MINDY4: variants seen among roughly 807,000 people sequenced by gnomAD.
MINDY4 encodes probable ubiquitin carboxyl-terminal hydrolase MINDY-4.
MINDY4 carries 68 observed loss-of-function variants against 87.0 expected under a neutral mutation model. The observed-to-expected ratio is 0.78, with a 90% CI of 0.64 to 0.96. MINDY4 has a LOEUF of 0.96. Among genes scored for constraint, MINDY4 ranks in the 40% least tolerant of loss-of-function variants. The pLI is 0.00. For missense variants in MINDY4, 919 were observed against 928.2 expected, an observed-to-expected ratio of 0.99 and a Z score of 0.13; for synonymous variants, 379 against 363.2, an observed-to-expected ratio of 1.04 and a Z score of -0.50.
At chr7:30,777,825 G>A (rs1328921793) in intron 1 of MINDY4, among the ~76,000 whole-genome samples, 1 of 152,238 alleles carries the variant, frequency 6.6e-6, no homozygotes, top group African/African-American at 2.4e-5. Context: ...CTTGCGAACA[G>A]GACCCTCACT....
intron 5 of MINDY4, among the ~76,000 whole-genome samples, chr7:30,811,655 GA>G (rs1286569077): frequency 6.6e-6 from 1 of 152,184 alleles, no homozygotes; most frequent in Non-Finnish European, 1.5e-5. Flanking sequence ...GGTAGTTAAA[GA>G]TCGAACCCTG....
In MINDY4 at chr7:30,771,522, C is replaced by T. The variant is rs752655597; in HGVS notation, c.29C>T (p.Ala10Val). The change falls in exon 1 of 18, where the codon GCC (alanine) becomes GTC (valine). Residue 10 changes from alanine to valine, a missense_variant. Transcript: ENST00000265299. MDSLFVEEV[A>V]ASLVREFLSR... Reference sequence around the variant, plus strand: ...GACAGCCTCTTCGTGGAGGAGGTGGCCGCCTCCTTGGTCAGGGAGTTCCTC... The same window carrying T: ...GACAGCCTCTTCGTGGAGGAGGTGGTCGCCTCCTTGGTCAGGGAGTTCCTC... The T allele has an allele frequency of 5.6e-6, 9 of 1,604,796 alleles. No individual in the cohort carries two copies. The highest frequency in any genetic ancestry group is 1.3e-5 in the African/African-American group (1 of 74,894).
chr7:30,820,727 T>C (rs79815742), intron 5 of MINDY4, among the ~76,000 whole-genome samples: 91 of 152,366 alleles, frequency 6.0e-4, no homozygotes, highest in African/African-American at 2.1e-3. Flanking sequence ...TAACATTTTA[T>C]TTATTTACTC....
intron 5 of MINDY4, among the ~76,000 whole-genome samples, chr7:30,802,211 A>T (rs1787675776): frequency 6.6e-6 from 1 of 151,652 alleles, no homozygotes; most frequent in African/African-American, 2.4e-5. Context: ...AGGCCCACAT[A>T]GAGGTTAGTA....
At chr7:30,868,528 G>T (rs1023351105) in intron 13 of MINDY4, among the ~76,000 whole-genome samples, 4 of 152,232 alleles carry the variant, frequency 2.6e-5, no homozygotes, top group Non-Finnish European at 5.9e-5. Flanking sequence ...TGTATGGACA[G>T]AGGGCAGGTG....
chr7:30,836,326 C>T (rs1042729399), intron 6 of MINDY4, among the ~76,000 whole-genome samples: 6 of 152,314 alleles, frequency 3.9e-5, no homozygotes, highest in South Asian at 2.1e-4. Context: ...GGTCCTGGTT[C>T]GATGGCTTAG....
chr7:30,827,941 G>T (rs1367210858), intron 5 of MINDY4, among the ~76,000 whole-genome samples: 1 of 152,180 alleles, frequency 6.6e-6, no homozygotes, highest in African/African-American at 2.4e-5. Flanking sequence ...TTCAGAGAGT[G>T]ATGTAATATT....
chr7:30,890,890 G>A (rs1014257525), intron 17 of MINDY4, among the ~76,000 whole-genome samples: 1 of 152,168 alleles, frequency 6.6e-6, no homozygotes, highest in Non-Finnish European at 1.5e-5. Context: ...GGGAGAACCT[G>A]TTCCCACCCT....
At chr7:30,824,171 C>G (rs1020786939) in intron 5 of MINDY4, among the ~76,000 whole-genome samples, 3 of 152,164 alleles carry the variant, frequency 2.0e-5, no homozygotes, top group Non-Finnish European at 2.9e-5. Flanking sequence ...GATGGGAGGT[C>G]ACATCTAATG....
chr7:30,771,478 A>G lies in MINDY4; in HGVS notation c.-16A>G, dbSNP rs774921648. On this transcript the variant is annotated 5_prime_UTR_variant, in exon 1 of 18. Transcript: ENST00000265299. Reference sequence around the variant, plus strand: ...GGCCCGGCGTGGGCCTCGTGGGCAGAGCCAGAGCCAGAGCCATGGACAGCC... The same window carrying G: ...GGCCCGGCGTGGGCCTCGTGGGCAGGGCCAGAGCCAGAGCCATGGACAGCC... The G allele has an allele frequency of 2.5e-6, 4 of 1,598,832 alleles. No individual in the cohort carries two copies. Among genetic ancestry groups the G allele is most frequent in the South Asian group, 2.3e-5 (2 of 87,606 alleles).
At chr7:30,817,472 C>T (rs1788188837) in intron 5 of MINDY4, among the ~76,000 whole-genome samples, 1 of 150,844 alleles carries the variant, frequency 6.6e-6, no homozygotes, top group Non-Finnish European at 1.5e-5. Flanking sequence ...TACTGCTTCT[C>T]CAGCAGTTCA....
rs117272384 is a variant in MINDY4, at chr7:30,847,187, A to G, written c.1446-3267A>G. On this transcript the variant is annotated intron_variant, in intron 9 of 17. Coordinates refer to ENST00000265299, the MANE Select transcript of MINDY4 (RefSeq NM_032222.3). ...GCCCAAGCCTCTTACCTGTCTGATC[A>G]CTGTACTTTTTCCAACTCTACTGTG... 7.1e-3 allele frequency among the ~76,000 whole-genome samples: 1,088 copies of G among 152,316 alleles called. 10 individuals are homozygous for G. The highest frequency in any genetic ancestry group is 0.014 in the Admixed American group (215 of 15,308).
chr7:30,783,842 A>G lies in MINDY4; in HGVS notation c.419+1630A>G, dbSNP rs539532398. ...GGGGTATGGTATTCTAAAAGGCAAC[A>G]GAACACTGCAGAGATGGGAAAAATC... On this transcript the variant is annotated intron_variant, in intron 3 of 17. Coordinates refer to ENST00000265299, the MANE Select transcript of MINDY4 (RefSeq NM_032222.3). Among the ~76,000 whole-genome samples the G allele has an allele frequency of 1.3e-4, 20 of 152,360 alleles. No individual in the cohort carries two copies. The South Asian group carries it at 4.1e-3, about 32-fold the overall frequency.
At chr7:30,846,200 C>G (rs544371148) in intron 9 of MINDY4, among the ~76,000 whole-genome samples, 154 of 152,278 alleles carry the variant, frequency 1.0e-3, no homozygotes, top group African/African-American at 3.4e-3. Flanking sequence ...CTTTCTACCC[C>G]CTATTGCAGC....
chr7:30,891,652 GTCAGTGGAGGGCC>G (rs1434626489), intron 17 of MINDY4, among the ~76,000 whole-genome samples: 1 of 152,290 alleles, frequency 6.6e-6, no homozygotes, highest in African/African-American at 2.4e-5. Flanking sequence ...GATCATTCAT[GTCAGTGGAGGGCC>G]TCAGTGGAGG....
intron 6 of MINDY4, among the ~76,000 whole-genome samples, chr7:30,835,196 A>G (rs56275377): frequency 0.11 from 16,448 of 152,240 alleles, 1,233 homozygotes; most frequent in African/African-American, 0.2. Context: ...TGGACTTTAA[A>G]TTGCACATGG....
chr7:30,824,420 T>A (rs1001130465), intron 5 of MINDY4, among the ~76,000 whole-genome samples: 2 of 152,192 alleles, frequency 1.3e-5, no homozygotes, highest in Non-Finnish European at 2.9e-5. Flanking sequence ...CACTGGGGAT[T>A]AAATTTCAAC....
chr7:30,836,844 C>A, intron 7 of MINDY4, 80 bp downstream of exon 7: 1 of 1,017,228 alleles, frequency 9.8e-7, no homozygotes, highest in Non-Finnish European at 1.5e-6. Context: ...GTTTCTGCCC[C>A]AATCCAGCTC....
chr7:30,775,417 A>G (rs1786779593), intron 1 of MINDY4, among the ~76,000 whole-genome samples: 1 of 152,232 alleles, frequency 6.6e-6, no homozygotes, highest in Non-Finnish European at 1.5e-5. Context: ...AGAGATGCAT[A>G]GGGCAAGGTG....
Sources: gnomAD v4.1 joint callset for allele counts (sites outside exome capture counted in the v4.1 genomes callset) on GRCh38, gnomAD v4.1.1 for gene constraint, MANE v1.5 for transcripts, NCBI Gene and HGNC (gene_info 2026-07-23, HGNC 2026-07-21) for gene names.